The following FRMPD1 variants were observed in gnomAD, a reference collection of about 807,000 sequenced individuals.
The protein encoded by FRMPD1 is FERM and PDZ domain containing 1.
In FRMPD1, 76 loss-of-function variants were observed where a neutral mutation model predicts 117.8. The ratio of observed to expected loss-of-function variants is 0.65; its 90% CI spans 0.54 to 0.78. The LOEUF (loss-of-function observed/expected upper bound fraction) is 0.78, where lower values mean the gene tolerates loss of function less well. Among genes scored for constraint, FRMPD1 ranks in the 30% least tolerant of loss-of-function variants. FRMPD1 has a pLI of 0.00. For missense variants in FRMPD1, 1,786 were observed against 1,964.5 expected (o/e 0.91, Z 1.72); for synonymous variants, 783 against 770.4 (o/e 1.02, Z -0.27).
chr9:37,697,621 G>A (rs1822371320), intron 2 of FRMPD1, among the ~76,000 whole-genome samples: 1 of 151,914 alleles, frequency 6.6e-6, no homozygotes, highest in Non-Finnish European at 1.5e-5. Context: ...AAAGGTCTCT[G>A]TGACATGTTT....
chr9:37,740,805 A>G lies in FRMPD1; in HGVS notation c.2277A>G (p.Pro759=). ...SMLEPLALHP[P]LAFEDGSSDE... ...TGGAACCCCTGGCCCTGCACCCACC[A>G]CTGGCCTTTGAGGATGGCAGCTCAG... is the stretch of plus-strand genomic sequence containing the variant. The change falls in exon 15 of 16, where the codon CCA becomes CCG. Residue 759 remains proline (P), a synonymous_variant. Coordinates refer to ENST00000377765, the MANE Select transcript of FRMPD1 (RefSeq NM_014907.3). This position sits in a 1 kb window ranked among gnomAD's most constrained non-coding sequence, Gnocchi z 4.2. The G allele has an allele frequency of 6.2e-7, 1 of 1,614,042 alleles. No homozygotes were observed.
Position 37,738,628 on chromosome 9 carries a change from G to A in FRMPD1, c.1549+1385G>A, listed in dbSNP as rs551811525. Among the ~76,000 whole-genome samples, 8 of 152,122 alleles carry A rather than the reference G, an allele frequency of 5.3e-5. No homozygotes were observed. The South Asian group carries it at 1.5e-3, about 28-fold the overall frequency. ...TGCTGAGATTACAGGCATGAGCCAC[G>A]GCGCCCAGCCTGTTACCTTTGTTGT... On this transcript the variant is annotated intron_variant, in intron 14 of 15. Coordinates refer to ENST00000377765, the MANE Select transcript of FRMPD1 (RefSeq NM_014907.3).
intron 1 of FRMPD1, among the ~76,000 whole-genome samples, chr9:37,668,984 C>T (rs1821257684): frequency 6.6e-6 from 1 of 152,184 alleles, no homozygotes; most frequent in African/African-American, 2.4e-5. Flanking sequence ...AGGCTAGAGA[C>T]TTTCACGTTG....
chr9:37,703,008 C>G (rs907209405), intron 2 of FRMPD1, among the ~76,000 whole-genome samples: 1 of 152,172 alleles, frequency 6.6e-6, no homozygotes, highest in Non-Finnish European at 1.5e-5. Context: ...AACTCATACT[C>G]TGTTCTAGAA....
In FRMPD1 at chr9:37,691,219, C is replaced by T. The variant is rs139221483; in HGVS notation, c.-4-1419C>T. On this transcript the variant is annotated intron_variant, in intron 1 of 15. Coordinates refer to ENST00000377765, the MANE Select transcript of FRMPD1 (RefSeq NM_014907.3). ...CTAGTCTCCCCAAGCTTCTCTTGTT[C>T]GTTTTCTCCAGAAAATAAGCCTCTT... Among the ~76,000 whole-genome samples the T allele has an allele frequency of 1.1e-4, 17 of 152,280 alleles. No homozygotes were observed. The East Asian group carries it at 1.7e-3, about 16-fold the overall frequency.
chr9:37,713,062 TTATTA>T (rs1822970573), intron 5 of FRMPD1, among the ~76,000 whole-genome samples: 1 of 151,910 alleles, frequency 6.6e-6, no homozygotes, highest in Non-Finnish European at 1.5e-5. Flanking sequence ...AATATATCAG[TTATTA>T]TATTAATATA....
In FRMPD1 at chr9:37,732,471, A is replaced by G. The variant is rs41304744; in HGVS notation, c.995+31A>G. The G allele has an allele frequency of 2.8e-4, 436 of 1,572,016 alleles. 1 individual carries two copies. The African/African-American group carries it at 5.4e-3, about 20-fold the overall frequency. On this transcript the variant is annotated intron_variant, in intron 10 of 15. Transcript: ENST00000377765. ...TGGCAGGGGATGGCAGCTGCATTGC[A>G]TTTATAACTTGCTGGCCCCTGGCCA... is the stretch of plus-strand genomic sequence containing the variant.
chr9:37,613,655 T>C, the FRMPD1 span, among the ~76,000 whole-genome samples: 3 of 152,320 alleles, frequency 2.0e-5, no homozygotes, highest in South Asian at 6.2e-4. Flanking sequence ...CACAGCTCAG[T>C]GACACTGGCC....
In FRMPD1 at chr9:37,745,097, C is replaced by G. The variant is rs1364323934; in HGVS notation, c.3065C>G (p.Pro1022Arg). The change falls in exon 16 of 16, where the codon CCA becomes CGA. Residue 1022 changes from proline (P) to arginine (R), a missense_variant. Physicochemically the swap from Pro to Arg is moderately radical, Grantham distance 103. Transcript: ENST00000377765. ...SFSLSSGDPN[P>R]DRACLASNPG... Reference sequence around the variant, plus strand: ...TCCCTCTCCAGTGGTGACCCTAACCCAGACAGAGCCTGCCTGGCCAGCAAC... The same window carrying G: ...TCCCTCTCCAGTGGTGACCCTAACCGAGACAGAGCCTGCCTGGCCAGCAAC... The G allele has an allele frequency of 6.2e-7, 1 of 1,614,104 alleles. No individual in the cohort carries two copies. The highest frequency in any genetic ancestry group is 8.5e-7 in the Non-Finnish European group (1 of 1,180,002).
At chr9:37,628,953 C>T in the FRMPD1 span, among the ~76,000 whole-genome samples, 1 of 152,262 alleles carries the variant, frequency 6.6e-6, no homozygotes, top group Non-Finnish European at 1.5e-5. Context: ...AATCCCAGCA[C>T]TGTGGGAGGC....
At chr9:37,666,014 A>G (rs186533750) in intron 1 of FRMPD1, among the ~76,000 whole-genome samples, 54 of 152,302 alleles carry the variant, frequency 3.5e-4, no homozygotes, top group Middle Eastern at 3.4e-3. Flanking sequence ...CTTTTGCCAT[A>G]CATCTCCAAA....
chr9:37,646,866 A>T (rs1358734903), upstream of FRMPD1, among the ~76,000 whole-genome samples: 3 of 152,220 alleles, frequency 2.0e-5, no homozygotes, highest in Admixed American at 6.5e-5. Context: ...TTTGAGTGCA[A>T]AGGAGATTGA....
chr9:37,716,736 T>A (rs979095162), intron 5 of FRMPD1, among the ~76,000 whole-genome samples: 1 of 152,198 alleles, frequency 6.6e-6, no homozygotes, highest in Non-Finnish European at 1.5e-5. Flanking sequence ...CCTGCAGCTC[T>A]TGACAGCCCA....
the FRMPD1 span, among the ~76,000 whole-genome samples, chr9:37,643,424 C>T: frequency 1.3e-5 from 2 of 152,098 alleles, no homozygotes; most frequent in Non-Finnish European, 2.9e-5. Flanking sequence ...GGGTAGTTCT[C>T]CTTTTTCATC....
the FRMPD1 span, among the ~76,000 whole-genome samples, chr9:37,620,910 T>TA: frequency 5.9e-5 from 9 of 152,190 alleles, no homozygotes; most frequent in East Asian, 1.9e-4. Flanking sequence ...TGCTTTCTGT[T>TA]AAAAAAAGTG....
chr9:37,666,999 A>C lies in FRMPD1; in HGVS notation c.-5+15905A>C, dbSNP rs116749678. Reference sequence around the variant, plus strand: ...TCTTTCAGTTCATAGCTGTGTATTAAAAAGTATTCCTCTCTTATGGTGTTC... The same window carrying C: ...TCTTTCAGTTCATAGCTGTGTATTACAAAGTATTCCTCTCTTATGGTGTTC... On this transcript the variant is annotated intron_variant, in intron 1 of 15. Transcript: ENST00000377765. Among the ~76,000 whole-genome samples the C allele has an allele frequency of 5.1e-3, 771 of 151,386 alleles. 5 individuals are homozygous for C. The highest frequency in any genetic ancestry group is 0.018 in the African/African-American group (736 of 41,042).
At chr9:37,660,778 AC>A (rs1820978507) in intron 1 of FRMPD1, among the ~76,000 whole-genome samples, 1 of 151,994 alleles carries the variant, frequency 6.6e-6, no homozygotes, top group Admixed American at 6.6e-5. Context: ...TTGCTGTGTA[AC>A]CTTCCCCACT....
rs972861115 is a variant in FRMPD1 at position 37,745,280 on chromosome 9, G to T, written c.3248G>T (p.Arg1083Ile). 3 of 1,612,454 alleles carry T rather than the reference G, an allele frequency of 1.9e-6. No individual in the cohort carries two copies. Among genetic ancestry groups the T allele is most frequent in the Middle Eastern group, 1.6e-4 (1 of 6,084 alleles). Residue 1083 changes from arginine to isoleucine, a missense_variant, in exon 16 of 16, where the codon AGA becomes ATA. Arg to Ile is a moderately conservative substitution (Grantham distance 97, BLOSUM62 -3). Transcript: ENST00000377765. ...TTGTTGTCTCCTAGAGATGAGCCTA[G>T]AAGTGATGAATGTGGAATAAATCCA... ...EPLLSPRDEP[R>I]SDECGINPGE...
the FRMPD1 span, among the ~76,000 whole-genome samples, chr9:37,635,621 G>A: frequency 1.3e-5 from 2 of 152,224 alleles, no homozygotes; most frequent in Non-Finnish European, 2.9e-5. Flanking sequence ...ACAAGCTGGA[G>A]GGCAGGGCAC....
Sources: allele counts gnomAD v4.1 joint callset (sites outside exome capture counted in the v4.1 genomes callset), GRCh38; gene constraint gnomAD v4.1.1; non-coding constraint Gnocchi (gnomAD v3.1); transcripts MANE v1.5; gene names NCBI Gene and HGNC (gene_info 2026-07-23, HGNC 2026-07-21).